SAR1A: variants seen among roughly 807,000 people sequenced by gnomAD.
SAR1A encodes small COPII coat GTPase SAR1A.
A neutral mutation model predicts 22.6 loss-of-function variants in SAR1A; 6 were observed. The observed-to-expected ratio is 0.27, with a 90% CI of 0.15 to 0.52. The LOEUF (loss-of-function observed/expected upper bound fraction) is 0.52, where lower values mean the gene tolerates loss of function less well. Among genes scored for constraint, SAR1A ranks in the 20% least tolerant of loss-of-function variants. The pLI, the probability that SAR1A is intolerant of heterozygous loss-of-function variation, is 0.96. For missense variants in SAR1A, 145 were observed against 245.1 expected (o/e 0.59, Z 2.73); for synonymous variants, 70 against 82.2 (o/e 0.85, Z 0.80).
chr10:70,170,092 T>C (rs1416390771), intron 1 of SAR1A, among the ~76,000 whole-genome samples: 1 of 151,896 alleles, frequency 6.6e-6, no homozygotes, highest in Non-Finnish European at 1.5e-5. Context: ...GTGAGGCTCT[T>C]CCGAGACAGA....
chr10:70,156,592 A>G (rs1487544489), intron 5 of SAR1A, among the ~76,000 whole-genome samples: 2 of 151,340 alleles, frequency 1.3e-5, no homozygotes, highest in Non-Finnish European at 2.9e-5. Flanking sequence ...ATATCGCTTG[A>G]GCCCAGAAGT....
At position 70,170,429 on chromosome 10, in the gene SAR1A, C is replaced by G. The variant is rs1238946983; in HGVS notation, c.-33G>C. ...CAGACTCACGGCCTGAGGGGCTCCTCCGGCAAAACAGCGGCTGGCTCGGAC... is the reference window on the plus strand; with the variant it reads ...CAGACTCACGGCCTGAGGGGCTCCTGCGGCAAAACAGCGGCTGGCTCGGAC... On this transcript the variant is annotated 5_prime_UTR_variant, in exon 1 of 7. Transcript: ENST00000373241. 1 of 151,976 alleles carries G rather than the reference C, an allele frequency of 6.6e-6. No individual in the cohort carries two copies. Among genetic ancestry groups the G allele is most frequent in the Non-Finnish European group, 1.5e-5 (1 of 68,022 alleles). The allele number at this position is 151,976 out of a possible 1,614,324, so 9.4% of individuals were successfully genotyped here.
chr10:70,164,433 T>G (rs763239687), intron 1 of SAR1A, among the ~76,000 whole-genome samples: 10 of 152,196 alleles, frequency 6.6e-5, no homozygotes, highest in Non-Finnish European at 1.3e-4. Context: ...TTTTTTAAAG[T>G]AGTTTTCTTT....
intron 5 of SAR1A, among the ~76,000 whole-genome samples, chr10:70,154,812 AC>A (rs140024156): frequency 0.036 from 5,498 of 152,338 alleles, 123 homozygotes; most frequent in East Asian, 0.058. Context: ...GATAAGTGTC[AC>A]AATGAATGGG....
Position 70,152,181 on chromosome 10 carries a change from T to C in SAR1A, c.*295A>G, listed in dbSNP as rs983276955. On this transcript the variant is annotated 3_prime_UTR_variant, in exon 7 of 7. Transcript: ENST00000373241. ...TTGAATCAACCACAGTGGTGAGACG[T>C]GTTTTTCTTTTCAGGTGCCCCATGA... 9 of 429,860 alleles carry C rather than the reference T, an allele frequency of 2.1e-5. No individual in the cohort carries two copies. The Admixed American group carries it at 3.1e-4, about 15-fold the overall frequency. The allele number at this position is 429,860 out of a possible 1,614,324, so 26.6% of individuals were successfully genotyped here.
At position 70,161,706 on chromosome 10, in the gene SAR1A, A is replaced by G; in HGVS notation, c.91T>C (p.Leu31=). 1 of 1,613,678 alleles carries G rather than the reference A, an allele frequency of 6.2e-7. No homozygotes were observed. Among genetic ancestry groups the G allele is most frequent in the Non-Finnish European group, 8.5e-7 (1 of 1,180,024 alleles). ...GTTTTGCCTGCATTATCCAAACCTA[A>G]GAATACAAGTTTTCCAGATTTCTTG... is the stretch of plus-strand genomic sequence containing the variant. The part of the protein sequence containing the change: ...LYKKSGKLVF[L]GLDNAGKTTL... The change falls in exon 3 of 7, where the codon TTA becomes CTA. Residue 31 remains leucine, a synonymous_variant. Coordinates refer to ENST00000373241, the MANE Select transcript of SAR1A (RefSeq NM_020150.5).
chr10:70,155,150 A>C (rs771949242), intron 5 of SAR1A: 3 of 511,686 alleles, frequency 5.9e-6, no homozygotes, highest in African/African-American at 5.8e-5. Context: ...TCCAGAAGTT[A>C]GTGAATAAAA....
intron 5 of SAR1A, among the ~76,000 whole-genome samples, chr10:70,157,323 G>A (rs1386395201): frequency 1.3e-5 from 2 of 149,426 alleles, no homozygotes; most frequent in East Asian, 2.0e-4. Context: ...AGAATCCCTC[G>A]AACCCAGGAG....
chr10:70,160,984 T>G lies in SAR1A; in HGVS notation c.244+20A>C, dbSNP rs775621828. On this transcript the variant is annotated intron_variant, in intron 4 of 6. Coordinates refer to ENST00000373241, the MANE Select transcript of SAR1A (RefSeq NM_020150.5). ...AAAAAATAAGTCAATAAACATGCTT[T>G]CCACTGAGTCATCACTTACCTTGCT... 21 of 1,591,064 alleles carry G rather than the reference T, an allele frequency of 1.3e-5. No homozygotes were observed. Among genetic ancestry groups the G allele is most frequent in the Non-Finnish European group, 1.0e-5 (12 of 1,165,628 alleles).
intron 1 of SAR1A, among the ~76,000 whole-genome samples, chr10:70,167,726 C>T (rs1355097712): frequency 6.6e-6 from 1 of 152,070 alleles, no homozygotes; most frequent in Non-Finnish European, 1.5e-5. Context: ...ATTTATTTTT[C>T]ACGGCCCTTA....
At chr10:70,162,514 G>A (rs1839488433) in intron 1 of SAR1A, among the ~76,000 whole-genome samples, 1 of 133,846 alleles carries the variant, frequency 7.5e-6, no homozygotes, top group South Asian at 2.9e-4. Context: ...GGGGAGGAGG[G>A]GATGGAAGGG....
chr10:70,170,314 C>A (rs1204079742), intron 1 of SAR1A, 99 bp downstream of exon 1: 12 of 87,792 alleles, frequency 1.4e-4, no homozygotes, highest in African/African-American at 5.2e-4. Flanking sequence ...TTCCCCCCCA[C>A]CCAACCCCGC....
intron 4 of SAR1A, among the ~76,000 whole-genome samples, chr10:70,160,438 C>A (rs143284658): frequency 1.3e-5 from 2 of 151,980 alleles, no homozygotes. Context: ...ACAAACAGTT[C>A]ATAAAAAATA....
chr10:70,162,273 G>A (rs1281157743), intron 1 of SAR1A, among the ~76,000 whole-genome samples: 1 of 151,306 alleles, frequency 6.6e-6, no homozygotes, highest in South Asian at 2.1e-4. Context: ...CCAGGGGTTT[G>A]AGGCTGCAGT....
In SAR1A at chr10:70,148,073, T is replaced by A. The variant is rs1375627069; in HGVS notation, c.*4403A>T. ...TTTTGTATTTTTAGTAGAGACGGGG[T>A]TTCACCGTGTTAGCCAGGATGGTCT... is the stretch of plus-strand genomic sequence containing the variant. On this transcript the variant is annotated 3_prime_UTR_variant, in exon 7 of 7. Coordinates refer to ENST00000373241, the MANE Select transcript of SAR1A (RefSeq NM_020150.5). 6.6e-6 allele frequency: 1 copy of A among 152,060 alleles called. No individual in the cohort carries two copies. Among genetic ancestry groups the A allele is most frequent in the East Asian group, 1.9e-4 (1 of 5,178 alleles). The allele number at this position is 152,060 out of a possible 1,614,324, so 9.4% of individuals were successfully genotyped here.
chr10:70,155,202 T>C (rs2136710566), intron 5 of SAR1A: 1 of 463,444 alleles, frequency 2.2e-6, no homozygotes. Context: ...AGTATCTATC[T>C]GTGGTGTTCA....
intron 1 of SAR1A, chr10:70,167,344 C>T (rs1011672390): frequency 3.3e-5 from 5 of 151,986 alleles, no homozygotes; most frequent in Admixed American, 6.6e-5. Context: ...GGGCTTTATA[C>T]TAGATATGAC....
At chr10:70,155,819 T>A (rs1839380844) in intron 5 of SAR1A, among the ~76,000 whole-genome samples, 1 of 152,176 alleles carries the variant, frequency 6.6e-6, no homozygotes, top group Non-Finnish European at 1.5e-5. Context: ...CAAGGATGGC[T>A]AAGTTGTTTG....
chr10:70,163,713 T>C (rs534865946), intron 1 of SAR1A: 39 of 805,336 alleles, frequency 4.8e-5, no homozygotes, highest in Admixed American at 2.7e-4. Flanking sequence ...GAGGAGCAGA[T>C]TGTAGAATTC....
Sources: allele counts gnomAD v4.1 joint callset (sites outside exome capture counted in the v4.1 genomes callset), GRCh38; gene constraint gnomAD v4.1.1; transcripts MANE v1.5; gene names NCBI Gene and HGNC (gene_info 2026-07-23, HGNC 2026-07-21).